Variants in NIBAN1 observed in about 807,000 individuals in gnomAD.
NIBAN1 encodes the protein protein Niban 1.
A neutral mutation model predicts 75.1 loss-of-function variants in NIBAN1; 81 were observed. That is an observed-to-expected ratio of 1.08 (90% CI 0.90 to 1.30). The LOEUF (loss-of-function observed/expected upper bound fraction) is 1.30. Among genes scored for constraint, NIBAN1 ranks in the 50% most tolerant of loss-of-function variants. The pLI is 0.00. For missense variants in NIBAN1, 1,133 were observed against 1,128.1 expected, an observed-to-expected ratio of 1.00 and a Z score of -0.06; for synonymous variants, 436 against 424.8, an observed-to-expected ratio of 1.03 and a Z score of -0.32.
At chr1:184,882,016 G>A (rs74132065) in intron 5 of NIBAN1, among the ~76,000 whole-genome samples, 25 of 152,168 alleles carry the variant, frequency 1.6e-4, no homozygotes, top group African/African-American at 5.3e-4. Flanking sequence ...TGGTTCACAC[G>A]CCTCTGATAC....
At chr1:184,922,620 G>C (rs1200292896) in intron 1 of NIBAN1, among the ~76,000 whole-genome samples, 2 of 151,904 alleles carry the variant, frequency 1.3e-5, no homozygotes, top group Non-Finnish European at 2.9e-5. Flanking sequence ...TTGTTTTGTT[G>C]TTTTGAGTTG....
intron 1 of NIBAN1, among the ~76,000 whole-genome samples, chr1:184,970,268 T>C (rs1658902425): frequency 6.6e-6 from 1 of 151,976 alleles, no homozygotes; most frequent in Non-Finnish European, 1.5e-5. Context: ...CTCATCATAG[T>C]ATATTGCCAT....
chr1:184,887,340 C>T (rs1037652635), intron 4 of NIBAN1, among the ~76,000 whole-genome samples: 1 of 152,114 alleles, frequency 6.6e-6, no homozygotes, highest in Admixed American at 6.5e-5. Flanking sequence ...ATAGAGACAC[C>T]TGTAGTTGTA....
At chr1:184,825,818 A>G (rs1507059) in intron 6 of NIBAN1, among the ~76,000 whole-genome samples, 3,858 of 152,318 alleles carry the variant, frequency 0.025, 122 homozygotes, top group African/African-American at 0.077. Context: ...CAAAAGGGGA[A>G]GCACAGTTTT....
chr1:184,913,819 C>A (rs1239734116), intron 1 of NIBAN1, among the ~76,000 whole-genome samples: 1 of 152,156 alleles, frequency 6.6e-6, no homozygotes, highest in Non-Finnish European at 1.5e-5. Flanking sequence ...AAAGTAGATG[C>A]TCTCTTGAAC....
intron 12 of NIBAN1, among the ~76,000 whole-genome samples, chr1:184,798,689 A>T (rs1454714067): frequency 2.0e-5 from 3 of 152,220 alleles, no homozygotes; most frequent in Admixed American, 6.5e-5. Context: ...GATTTTAAAT[A>T]TGTAAATATA....
At chr1:184,898,298 G>A (rs1230676015) in intron 2 of NIBAN1, among the ~76,000 whole-genome samples, 1 of 152,112 alleles carries the variant, frequency 6.6e-6, no homozygotes, top group Non-Finnish European at 1.5e-5. Context: ...TCCACAGAGG[G>A]CTTCCCTAAC....
chr1:184,951,519 T>G (rs1372837347), intron 1 of NIBAN1, among the ~76,000 whole-genome samples: 1 of 152,134 alleles, frequency 6.6e-6, no homozygotes, highest in African/African-American at 2.4e-5. Context: ...TGAAGCCACT[T>G]TTTTTCCCCT....
At chr1:184,875,320 A>G (rs1329678792) in intron 5 of NIBAN1, among the ~76,000 whole-genome samples, 1 of 152,202 alleles carries the variant, frequency 6.6e-6, no homozygotes, top group African/African-American at 2.4e-5. Flanking sequence ...TGGGTCAGGA[A>G]TTCAAAAATA....
chr1:184,840,107 G>T (rs1655243402), intron 5 of NIBAN1, among the ~76,000 whole-genome samples: 1 of 152,144 alleles, frequency 6.6e-6, no homozygotes, highest in Non-Finnish European at 1.5e-5. Context: ...AATGAATGGT[G>T]CTCATTCTAA....
At chr1:184,900,483 C>T (rs1047785156) in intron 1 of NIBAN1, among the ~76,000 whole-genome samples, 1 of 152,210 alleles carries the variant, frequency 6.6e-6, no homozygotes, top group African/African-American at 2.4e-5. Context: ...CCAGCTGCCT[C>T]ACAATGACCA....
intron 1 of NIBAN1, among the ~76,000 whole-genome samples, chr1:184,901,963 G>A (rs1326124386): frequency 1.3e-5 from 2 of 152,084 alleles, no homozygotes; most frequent in Non-Finnish European, 2.9e-5. Context: ...GGGGTGGGGG[G>A]AACCTAAAGT....
chr1:184,905,585 C>T (rs1657074053), intron 1 of NIBAN1, among the ~76,000 whole-genome samples: 1 of 152,092 alleles, frequency 6.6e-6, no homozygotes, highest in African/African-American at 2.4e-5. Context: ...GCCTTCTCTC[C>T]TCCTTTCTCC....
chr1:184,818,812 C>G lies in NIBAN1; in HGVS notation c.999G>C (p.Gln333His). The change falls in exon 9 of 14, where the codon CAG (glutamine) becomes CAC (histidine). Residue 333 changes from glutamine (Q) to histidine (H), a missense_variant. Physicochemically the swap from Gln to His is conservative, Grantham distance 24 (BLOSUM62 0). Transcript: ENST00000367511. ...TCTCCAAGCAGCTTTTCTCCGCCGG[C>G]TGGGCCACCATCGCTGAGGTAGGAA... The part of the protein sequence containing the change: ...LIGKIKAMVA[Q>H]PAEKSCLESV... 6.3e-7 allele frequency: 1 copy of G among 1,592,166 alleles called. No homozygotes were observed. The highest frequency in any genetic ancestry group is 8.6e-7 in the Non-Finnish European group (1 of 1,165,354).
At chr1:184,924,868 G>A (rs950188885) in intron 1 of NIBAN1, among the ~76,000 whole-genome samples, 11 of 152,126 alleles carry the variant, frequency 7.2e-5, no homozygotes, top group Admixed American at 7.2e-4. Context: ...TGCAGCATTG[G>A]TTGTAATGTT....
intron 11 of NIBAN1, among the ~76,000 whole-genome samples, chr1:184,805,471 C>G (rs777427512): frequency 1.5e-4 from 23 of 152,228 alleles, no homozygotes; most frequent in Non-Finnish European, 2.6e-4. Flanking sequence ...AATAAACACT[C>G]TGAAGTACAT....
At chr1:184,837,866 A>G (rs1265622783) in intron 5 of NIBAN1, among the ~76,000 whole-genome samples, 1 of 151,984 alleles carries the variant, frequency 6.6e-6, no homozygotes. Context: ...GAATATCCTT[A>G]TTTCTCTTCA....
At chr1:184,946,660 A>G (rs1235238759) in intron 1 of NIBAN1, among the ~76,000 whole-genome samples, 1 of 152,248 alleles carries the variant, frequency 6.6e-6, no homozygotes, top group African/African-American at 2.4e-5. Context: ...TGGAGAAATA[A>G]TAGAGATATT....
intron 1 of NIBAN1, among the ~76,000 whole-genome samples, chr1:184,962,722 T>C (rs943894180): frequency 6.6e-6 from 1 of 152,154 alleles, no homozygotes; most frequent in Non-Finnish European, 1.5e-5. Flanking sequence ...GAGTTTTTCA[T>C]TGGCCAATGA....
Sources: gnomAD v4.1 joint callset for allele counts (sites outside exome capture counted in the v4.1 genomes callset) on GRCh38, gnomAD v4.1.1 for gene constraint, MANE v1.5 for transcripts, NCBI Gene and HGNC (gene_info 2026-07-23, HGNC 2026-07-21) for gene names.